C4orf33: variants seen among roughly 807,000 people sequenced by gnomAD.
The protein encoded by C4orf33 is chromosome 4 open reading frame 33.
C4orf33 carries 20 observed loss-of-function variants against 24.3 expected under a neutral mutation model. That is an observed-to-expected ratio of 0.82 (90% CI 0.58 to 1.19). The LOEUF is 1.19. Ranked by LOEUF, C4orf33 falls within the 50% of genes most tolerant of loss-of-function variation. The pLI, the probability that C4orf33 is intolerant of heterozygous loss-of-function variation, is 0.00. For missense variants in C4orf33, 207 were observed against 225.9 expected, an observed-to-expected ratio of 0.92 and a Z score of 0.54; for synonymous variants, 67 against 76.4, an observed-to-expected ratio of 0.88 and a Z score of 0.64.
chr4:129,105,901 T>C (rs2125802295), intron 2 of C4orf33, among the ~76,000 whole-genome samples: 1 of 152,314 alleles, frequency 6.6e-6, no homozygotes, highest in East Asian at 1.9e-4. Flanking sequence ...ATCACAGATA[T>C]GCAGTCATTA....
intron 5 of C4orf33, 28 bp from the exon 6 acceptor site, chr4:129,111,658 T>C (rs748370727): frequency 9.5e-6 from 13 of 1,373,078 alleles, no homozygotes; most frequent in Non-Finnish European, 1.2e-5. Flanking sequence ...TTCATTTCAA[T>C]TCCCACCTTC....
In C4orf33 at chr4:129,112,082, AG is replaced by A. The variant is rs1390295138; in HGVS notation, c.*296del. ...TATTCTTGAAAACTACAAGTGAAAAAGGGGGAACAATTGAGGTTGTCCAAGG... is the reference window on the plus strand; with the variant it reads ...TATTCTTGAAAACTACAAGTGAAAAAGGGGAACAATTGAGGTTGTCCAAGG... On this transcript the variant is annotated 3_prime_UTR_variant, in exon 6 of 6. Coordinates refer to ENST00000425929, the MANE Select transcript of C4orf33 (RefSeq NM_001099783.2). 15 of 214,584 alleles carry A rather than the reference AG, an allele frequency of 7.0e-5. No homozygotes were observed. The Middle Eastern group carries it at 7.0e-3, about 100-fold the overall frequency. The allele number at this position is 214,584 out of a possible 1,614,324, so 13.3% of individuals were successfully genotyped here.
In C4orf33 at chr4:129,115,817, T is replaced by TATATATAATATATATATGTTTATATATA. The variant is rs1554010291; in HGVS notation, c.*4033_*4034insATATATATATGTTTATATATAATATATA. 2.6e-3 allele frequency: 365 copies of TATATATAATATATATATGTTTATATATA among 141,902 alleles called. 3 individuals carry two copies. Among genetic ancestry groups the TATATATAATATATATATGTTTATATATA allele is most frequent in the African/African-American group, 9.0e-3 (344 of 38,068 alleles). The allele number at this position is 141,902 out of a possible 1,614,324, so 8.8% of individuals were successfully genotyped here. ...TTCTAACTAAATATATATATATATA[T>TATATATAATATATATATGTTTATATATA]ATATATATATATAAAATATATATGT... On this transcript the variant is annotated 3_prime_UTR_variant, in exon 6 of 6. Coordinates refer to ENST00000425929, the MANE Select transcript of C4orf33 (RefSeq NM_001099783.2).
intron 1 of C4orf33, among the ~76,000 whole-genome samples, chr4:129,101,039 GCTT>G (rs1753335191): frequency 6.6e-6 from 1 of 152,064 alleles, no homozygotes; most frequent in Admixed American, 6.6e-5. Context: ...CACTCATTGA[GCTT>G]CTATCAATAA....
Position 129,102,695 on chromosome 4 carries a change from G to A in C4orf33, c.85G>A (p.Gly29Arg), listed in dbSNP as rs1353032604. Residue 29 changes from glycine to arginine, a missense_variant, in exon 2 of 6, where the codon GGA becomes AGA. Gly to Arg is a moderately radical substitution (Grantham distance 125). Transcript: ENST00000425929. Reference protein sequence around the residue: ...VFIRLNPGDRGVMMDISAPFF... With the variant: ...VFIRLNPGDRRVMMDISAPFF... ...TATCAGGCTGAATCCAGGTGACAGA[G>A]GAGTGATGATGGACATTAGTGCTCC... 6.2e-7 allele frequency: 1 copy of A among 1,614,162 alleles called. No individual in the cohort carries two copies. The highest frequency in any genetic ancestry group is 8.5e-7 in the Non-Finnish European group (1 of 1,179,980).
At chr4:129,103,452 A>G (rs948863235) in intron 2 of C4orf33, among the ~76,000 whole-genome samples, 31 of 152,266 alleles carry the variant, frequency 2.0e-4, no homozygotes, top group Admixed American at 9.8e-4. Flanking sequence ...AATCTTCTTT[A>G]TGGAAGATTT....
Position 129,109,297 on chromosome 4 carries a change from A to G in C4orf33, c.243-10A>G, listed in dbSNP as rs984051103. Reference sequence around the variant, plus strand: ...TTTCAAACACTCATGAGGAATCTTAATTTTGACAGCCACGGACAGCATTTA... The same window carrying G: ...TTTCAAACACTCATGAGGAATCTTAGTTTTGACAGCCACGGACAGCATTTA... On this transcript the variant is annotated splice_polypyrimidine_tract_variant and intron_variant, in intron 3 of 5. Coordinates refer to ENST00000425929, the MANE Select transcript of C4orf33 (RefSeq NM_001099783.2). 3 of 1,613,208 alleles carry G rather than the reference A, an allele frequency of 1.9e-6. No homozygotes were observed. The highest frequency in any genetic ancestry group is 2.5e-6 in the Non-Finnish European group (3 of 1,179,162).
intron 3 of C4orf33, among the ~76,000 whole-genome samples, chr4:129,107,523 G>A (rs1304548430): frequency 6.6e-6 from 1 of 151,920 alleles, no homozygotes; most frequent in East Asian, 1.9e-4. Context: ...AATGAGATTT[G>A]TAGATATTCT....
intron 1 of C4orf33, among the ~76,000 whole-genome samples, chr4:129,101,044 T>C (rs955718685): frequency 6.6e-6 from 1 of 152,190 alleles, no homozygotes; most frequent in African/African-American, 2.4e-5. Flanking sequence ...ATTGAGCTTC[T>C]ATCAATAATG....
At chr4:129,096,594 C>T (rs1753214208) in intron 1 of C4orf33, among the ~76,000 whole-genome samples, 1 of 152,126 alleles carries the variant, frequency 6.6e-6, no homozygotes, top group African/African-American at 2.4e-5. Flanking sequence ...TGTTCGGTCT[C>T]CTTTCTCTTC....
At chr4:129,111,575 TA>T (rs1753691176) in intron 5 of C4orf33, 110 bp from the exon 6 acceptor site, 1 of 618,372 alleles carries the variant, frequency 1.6e-6, no homozygotes, top group Non-Finnish European at 2.9e-6. Context: ...TAGTATTGCT[TA>T]AAATAGAATG....
rs1335612509 is a variant in C4orf33, at chr4:129,111,913, C to T, written c.*122C>T. ...CAACAACAAATATCTTCATAGAAGT[C>T]ACTGAAAATATAGTATCTGTGGCAA... On this transcript the variant is annotated 3_prime_UTR_variant, in exon 6 of 6. Coordinates refer to ENST00000425929, the MANE Select transcript of C4orf33 (RefSeq NM_001099783.2). 4 of 564,468 alleles carry T rather than the reference C, an allele frequency of 7.1e-6. No homozygotes were observed. The highest frequency in any genetic ancestry group is 1.3e-5 in the Non-Finnish European group (4 of 315,340). 35.0% of individuals were successfully genotyped at this position (564,468 alleles called of 1,614,324 possible). A position where few individuals can be genotyped will look rare whatever the true frequency, so the allele number is the denominator to read the frequency against.
intron 3 of C4orf33, among the ~76,000 whole-genome samples, chr4:129,108,753 A>G (rs1753592519): frequency 6.6e-6 from 1 of 152,190 alleles, no homozygotes; most frequent in Non-Finnish European, 1.5e-5. Flanking sequence ...TTGTTTCTTT[A>G]AAGAATATAA....
chr4:129,103,748 A>G (rs889644527), intron 2 of C4orf33, among the ~76,000 whole-genome samples: 1 of 152,170 alleles, frequency 6.6e-6, no homozygotes, highest in African/African-American at 2.4e-5. Flanking sequence ...GGGCCACCAT[A>G]TTCAACCAAA....
chr4:129,098,714 G>A (rs1040467286), intron 1 of C4orf33, among the ~76,000 whole-genome samples: 1 of 152,206 alleles, frequency 6.6e-6, no homozygotes. Context: ...TTGTTGGCCA[G>A]CTGTATACAT....
Position 129,112,043 on chromosome 4 carries a change from G to A in C4orf33, c.*252G>A. Reference sequence around the variant, plus strand: ...CTTAGTCCAGGATGTTGCATTCCCAGCACACAGTACAGTTATTCTTGAAAA... The same window carrying A: ...CTTAGTCCAGGATGTTGCATTCCCAACACACAGTACAGTTATTCTTGAAAA... On this transcript the variant is annotated 3_prime_UTR_variant, in exon 6 of 6. Coordinates refer to ENST00000425929, the MANE Select transcript of C4orf33 (RefSeq NM_001099783.2). 1 of 329,706 alleles carries A rather than the reference G, an allele frequency of 3.0e-6. No individual in the cohort carries two copies. Among genetic ancestry groups the A allele is most frequent in the Non-Finnish European group, 5.6e-6 (1 of 179,108 alleles). 20.4% of individuals were successfully genotyped at this position (329,706 alleles called of 1,614,324 possible).
chr4:129,109,026 A>C (rs1229537896), intron 3 of C4orf33, among the ~76,000 whole-genome samples: 3 of 152,122 alleles, frequency 2.0e-5, no homozygotes, highest in African/African-American at 7.2e-5. Flanking sequence ...TGCTGGGACT[A>C]CAGGCACACG....
chr4:129,095,878 A>G (rs565424957), upstream of C4orf33, among the ~76,000 whole-genome samples: 8 of 152,302 alleles, frequency 5.3e-5, no homozygotes, highest in Admixed American at 2.0e-4. Flanking sequence ...GTTAGCCTTT[A>G]GTTGTATTAA....
intron 3 of C4orf33, among the ~76,000 whole-genome samples, chr4:129,107,054 A>G (rs1007384925): frequency 9.2e-5 from 14 of 152,004 alleles, no homozygotes. Flanking sequence ...CTAGCTTATA[A>G]AAATGTTTCT....
Sources: gnomAD v4.1 joint callset for allele counts (sites outside exome capture counted in the v4.1 genomes callset) on GRCh38, gnomAD v4.1.1 for gene constraint, MANE v1.5 for transcripts, NCBI Gene and HGNC (gene_info 2026-07-23, HGNC 2026-07-21) for gene names.